UBE3A: variants seen among roughly 807,000 people sequenced by gnomAD.
The protein encoded by UBE3A is ubiquitin-protein ligase E3A.
A neutral mutation model predicts 83.4 loss-of-function variants in UBE3A; 6 were observed. The ratio of observed to expected loss-of-function variants is 0.07; its 90% CI spans 0.04 to 0.14. UBE3A has a LOEUF of 0.14. Among genes scored for constraint, UBE3A ranks in the 10% least tolerant of loss-of-function variants. The probability of loss-of-function intolerance (pLI) is 1.00; values close to 1 mark genes in which losing one functional copy is unlikely to be tolerated. For synonymous variants in UBE3A, 337 were observed against 355.4 expected, an observed-to-expected ratio of 0.95 and a Z score of 0.58; for missense variants, 456 against 1,036.1, an observed-to-expected ratio of 0.44 and a Z score of 7.69.
chr15:25,412,344 T>C (rs1411078535), intron 1 of UBE3A, among the ~76,000 whole-genome samples: 1 of 152,252 alleles, frequency 6.6e-6, no homozygotes, highest in Admixed American at 6.5e-5. Context: ...TTCTATATGC[T>C]AAGCATCGGC....
intron 1 of UBE3A, chr15:25,418,067 T>C (rs1487746522): frequency 6.6e-6 from 1 of 152,176 alleles, no homozygotes; most frequent in Non-Finnish European, 1.5e-5. Context: ...GTTATAAAGC[T>C]GTACAGCATG....
chr15:25,351,718 G>A (rs746902052), intron 11 of UBE3A, among the ~76,000 whole-genome samples: 1 of 152,060 alleles, frequency 6.6e-6, no homozygotes, highest in Non-Finnish European at 1.5e-5. Context: ...TGATCTGCCC[G>A]CCTCGGGCGT....
chr15:25,433,665 G>A (rs1360638928), intron 1 of UBE3A, among the ~76,000 whole-genome samples: 1 of 152,122 alleles, frequency 6.6e-6, no homozygotes, highest in Non-Finnish European at 1.5e-5. Context: ...AAAAGACAGT[G>A]CTCATTCCAT....
intron 3 of UBE3A, chr15:25,405,703 A>G: frequency 1.7e-6 from 1 of 596,782 alleles, no homozygotes; most frequent in Non-Finnish European, 3.0e-6. Context: ...TTGGACTATT[A>G]AAAAACTCAA....
At chr15:25,411,446 C>T (rs2089977055) in intron 2 of UBE3A, among the ~76,000 whole-genome samples, 1 of 151,900 alleles carries the variant, frequency 6.6e-6, no homozygotes, top group African/African-American at 2.4e-5. Flanking sequence ...AAAACTTAGC[C>T]AGGTGTGGTG....
intron 1 of UBE3A, among the ~76,000 whole-genome samples, chr15:25,431,575 T>G (rs1477731126): frequency 6.6e-6 from 1 of 152,124 alleles, no homozygotes; most frequent in Non-Finnish European, 1.5e-5. Context: ...ACTCCTGACC[T>G]CAGGTGATCC....
intron 1 of UBE3A, among the ~76,000 whole-genome samples, chr15:25,416,750 G>A (rs1237337121): frequency 6.6e-6 from 1 of 151,994 alleles, no homozygotes; most frequent in Admixed American, 6.6e-5. Context: ...GTATCTGACA[G>A]TTGCTCCTTC....
intron 1 of UBE3A, among the ~76,000 whole-genome samples, chr15:25,430,076 CAT>C (rs1176149124): frequency 1.2e-5 from 1 of 81,054 alleles, no homozygotes; most frequent in African/African-American, 8.5e-5. Flanking sequence ...ATATATAATA[CAT>C]ATATATAAGA....
At position 25,339,044 on chromosome 15, in the gene UBE3A, C is replaced by CAAAAATTTATCCCTCGTT; in HGVS notation, c.*75_*92dup. On this transcript the variant is annotated 3_prime_UTR_variant, in exon 13 of 13. Coordinates refer to ENST00000648336, the MANE Select transcript of UBE3A (RefSeq NM_130839.5). ...TTTTGTACTGGGACACTATCACCAC[C>CAAAAATTTATCCCTCGTT]AAAAATTTATCCCTCGTTATATTTT... The CAAAAATTTATCCCTCGTT allele has an allele frequency of 7.2e-7, 1 of 1,381,662 alleles. No individual in the cohort carries two copies. The highest frequency in any genetic ancestry group is 9.4e-7 in the Non-Finnish European group (1 of 1,058,220). 85.6% of individuals were successfully genotyped at this position (1,381,662 alleles called of 1,614,324 possible).
At chr15:25,355,790 T>C (rs1326797270) in intron 9 of UBE3A, 102 bp downstream of exon 9, 1 of 1,172,338 alleles carries the variant, frequency 8.5e-7, no homozygotes, top group African/African-American at 1.6e-5. Context: ...ACTTGTTTTT[T>C]TTTTGTACAG....
chr15:25,419,924 T>C (rs1461261219), intron 1 of UBE3A, among the ~76,000 whole-genome samples: 1 of 151,520 alleles, frequency 6.6e-6, no homozygotes, highest in African/African-American at 2.4e-5. Flanking sequence ...ATGGAGACAA[T>C]ACAAAATTCC....
At chr15:25,413,463 T>C (rs574941997) in intron 1 of UBE3A, among the ~76,000 whole-genome samples, 13 of 152,310 alleles carry the variant, frequency 8.5e-5, no homozygotes, top group African/African-American at 3.1e-4. Context: ...ATGCTACTTA[T>C]TAAAACTGTC....
At chr15:25,366,082 T>C (rs901437683) in intron 6 of UBE3A, among the ~76,000 whole-genome samples, 2 of 152,218 alleles carry the variant, frequency 1.3e-5, no homozygotes, top group African/African-American at 4.8e-5. Context: ...TAAATTATTA[T>C]ATAATGCTGA....
At chr15:25,405,557 A>G in intron 3 of UBE3A, 55 bp from the exon 4 acceptor site, 1 of 1,575,482 alleles carries the variant, frequency 6.3e-7, no homozygotes, top group African/African-American at 1.3e-5. Flanking sequence ...CCAAAAAAAA[A>G]GGTAGACATA....
At position 25,334,606 on chromosome 15, in the gene UBE3A, A is replaced by AG. The variant is rs1491528575; in HGVS notation, c.*4530_*4531insC. On this transcript the variant is annotated 3_prime_UTR_variant, in exon 13 of 13. Coordinates refer to ENST00000648336, the MANE Select transcript of UBE3A (RefSeq NM_130839.5). ...CAAAACAGACAAAATGATTTTGGGGAAAAAAAAAAAAAAAATGGAGGACTT... is the reference window on the plus strand; with the variant it reads ...CAAAACAGACAAAATGATTTTGGGGAGAAAAAAAAAAAAAAATGGAGGACTT... 1 of 17,150 alleles carries AG rather than the reference A, an allele frequency of 5.8e-5. No homozygotes were observed. Among genetic ancestry groups the AG allele is most frequent in the African/African-American group, 2.4e-4 (1 of 4,134 alleles). The allele number at this position is 17,150 out of a possible 1,614,324, so 1.1% of individuals were successfully genotyped here. A position where few individuals can be genotyped will look rare whatever the true frequency, so the allele number is the denominator to read the frequency against.
chr15:25,352,191 T>TAAAC (rs752938719), intron 11 of UBE3A, among the ~76,000 whole-genome samples: 3 of 152,198 alleles, frequency 2.0e-5, no homozygotes, highest in Admixed American at 1.3e-4. Flanking sequence ...CAAGACTGTT[T>TAAAC]AAACAAACAA....
At chr15:25,419,881 T>TG (rs1302720655) in intron 1 of UBE3A, among the ~76,000 whole-genome samples, 2 of 151,712 alleles carry the variant, frequency 1.3e-5, no homozygotes, top group South Asian at 4.2e-4. Context: ...GAAGTATCAC[T>TG]GGGGGGAAAA....
At chr15:25,342,198 T>C (rs2074957603) in intron 11 of UBE3A, among the ~76,000 whole-genome samples, 2 of 152,056 alleles carry the variant, frequency 1.3e-5, no homozygotes, top group Non-Finnish European at 2.9e-5. Context: ...CCCTCCAACA[T>C]AGCAGAAAAG....
At chr15:25,385,522 G>C (rs576693987) in intron 4 of UBE3A, among the ~76,000 whole-genome samples, 1 of 151,980 alleles carries the variant, frequency 6.6e-6, no homozygotes. Flanking sequence ...AGGCACTGTG[G>C]AAAACAACAT....
Sources: gnomAD v4.1 joint callset for allele counts (sites outside exome capture counted in the v4.1 genomes callset) on GRCh38, gnomAD v4.1.1 for gene constraint, MANE v1.5 for transcripts, NCBI Gene and HGNC (gene_info 2026-07-23, HGNC 2026-07-21) for gene names.